GPC5: variants seen among roughly 807,000 people sequenced by gnomAD.
GPC5 encodes glypican-5.
A neutral mutation model predicts 53.9 loss-of-function variants in GPC5; 47 were observed. The observed-to-expected ratio is 0.87, with a 90% CI of 0.69 to 1.11. The LOEUF is 1.11. Ranked by LOEUF, GPC5 falls within the 50% of genes most tolerant of loss-of-function variation. The pLI is 0.00. For synonymous variants in GPC5, 286 were observed against 263.3 expected, an observed-to-expected ratio of 1.09 and a Z score of -0.84; for missense variants, 748 against 713.1, an observed-to-expected ratio of 1.05 and a Z score of -0.56.
At chr13:92,376,950 G>T (rs1594145314) in intron 7 of GPC5, among the ~76,000 whole-genome samples, 1 of 152,032 alleles carries the variant, frequency 6.6e-6, no homozygotes, top group South Asian at 2.1e-4. Context: ...CAGGAGCGGA[G>T]GTTGCAGTGA....
At chr13:92,273,430 A>G (rs2042853662) in intron 7 of GPC5, among the ~76,000 whole-genome samples, 1 of 152,120 alleles carries the variant, frequency 6.6e-6, no homozygotes, top group Non-Finnish European at 1.5e-5. Context: ...GATAATAATA[A>G]TATCTTTTAA....
chr13:91,949,616 T>C (rs1245817136), intron 6 of GPC5, among the ~76,000 whole-genome samples: 5 of 152,296 alleles, frequency 3.3e-5, no homozygotes, highest in East Asian at 3.9e-4. Flanking sequence ...TGATGGTCTA[T>C]AGCCAAAGAA....
chr13:92,450,906 A>T (rs993158912), intron 7 of GPC5, among the ~76,000 whole-genome samples: 1 of 152,162 alleles, frequency 6.6e-6, no homozygotes, highest in African/African-American at 2.4e-5. Context: ...TGAGTTATTG[A>T]GGGAAAACTA....
chr13:92,683,609 T>C (rs1251168969), intron 7 of GPC5, among the ~76,000 whole-genome samples: 1 of 152,232 alleles, frequency 6.6e-6, no homozygotes, highest in African/African-American at 2.4e-5. Context: ...AATTTACTTT[T>C]TCTATTAATT....
intron 7 of GPC5, among the ~76,000 whole-genome samples, chr13:92,426,706 C>T (rs921835503): frequency 4.6e-5 from 7 of 151,732 alleles, no homozygotes; most frequent in African/African-American, 1.7e-4. Context: ...GCTTTGATTA[C>T]ATATAATTTT....
rs1555301807 is a variant in GPC5, at chr13:91,977,955, A to AGAAAG, written c.1401+69898_1401+69899insGAAAG. Among the ~76,000 whole-genome samples the AGAAAG allele has an allele frequency of 8.9e-4, 127 of 142,980 alleles. 1 individual carries two copies. Among genetic ancestry groups the AGAAAG allele is most frequent in the African/African-American group, 3.6e-3 (123 of 34,624 alleles). The allele number at this position is 142,980 out of a possible 152,430, so 93.8% of individuals were successfully genotyped here. ...AACGAGACCGCCATCTCTAAAAGAA[A>AGAAAG]AAAGAAAGAAAGAAAGAAAGAAAGA... On this transcript the variant is annotated intron_variant, in intron 6 of 7. Coordinates refer to ENST00000377067, the MANE Select transcript of GPC5 (RefSeq NM_004466.6).
chr13:91,575,659 T>C (rs1189380179), intron 2 of GPC5, among the ~76,000 whole-genome samples: 1 of 152,128 alleles, frequency 6.6e-6, no homozygotes, highest in East Asian at 1.9e-4. Flanking sequence ...TGTTCCTCTG[T>C]GTATGTTAAT....
Position 92,500,930 on chromosome 13 carries a change from G to A in GPC5, c.1561+355941G>A, listed in dbSNP as rs1029801026. On this transcript the variant is annotated intron_variant, in intron 7 of 7. Coordinates refer to ENST00000377067, the MANE Select transcript of GPC5 (RefSeq NM_004466.6). ...TCAGGGGAGATTACAGAGAGGGAGA[G>A]CTAAGGAAACCTAGTCAAATCTAGT... is the stretch of plus-strand genomic sequence containing the variant. 2.6e-5 allele frequency among the ~76,000 whole-genome samples: 4 copies of A among 152,250 alleles called. No individual in the cohort carries two copies. In the East Asian group the frequency reaches 7.7e-4, roughly 29 times the overall value.
chr13:92,587,227 A>G (rs1316861946), intron 7 of GPC5, among the ~76,000 whole-genome samples: 1 of 152,190 alleles, frequency 6.6e-6, no homozygotes, highest in Non-Finnish European at 1.5e-5. Context: ...GGCATTCTAT[A>G]TAAAGAACTA....
At chr13:91,978,327 C>A (rs763403372) in intron 6 of GPC5, among the ~76,000 whole-genome samples, 1 of 152,204 alleles carries the variant, frequency 6.6e-6, no homozygotes, top group African/African-American at 2.4e-5. Flanking sequence ...TTTATTTACT[C>A]ATTGTAGCAA....
chr13:91,529,712 T>C (rs1289318482), intron 2 of GPC5, among the ~76,000 whole-genome samples: 1 of 152,246 alleles, frequency 6.6e-6, no homozygotes, highest in Non-Finnish European at 1.5e-5. Flanking sequence ...GTATTCTTTA[T>C]TCTGCTTTTC....
intron 6 of GPC5, among the ~76,000 whole-genome samples, chr13:91,934,606 G>T (rs962830840): frequency 4.6e-5 from 7 of 151,938 alleles, no homozygotes; most frequent in African/African-American, 1.4e-4. Context: ...AGCAGCTGAA[G>T]AATTTACACT....
At chr13:92,469,550 G>A (rs1413542029) in intron 7 of GPC5, among the ~76,000 whole-genome samples, 3 of 152,000 alleles carry the variant, frequency 2.0e-5, no homozygotes, top group Non-Finnish European at 4.4e-5. Flanking sequence ...ACTTTATGGG[G>A]CTCTACTTGA....
At chr13:91,753,300 A>G (rs184455843) in intron 4 of GPC5, among the ~76,000 whole-genome samples, 1 of 152,328 alleles carries the variant, frequency 6.6e-6, no homozygotes, top group East Asian at 1.9e-4. Context: ...AGTGTAGGAC[A>G]CTGAGAAGGT....
chr13:92,476,375 A>G (rs1444666611), intron 7 of GPC5, among the ~76,000 whole-genome samples: 1 of 151,538 alleles, frequency 6.6e-6, no homozygotes, highest in Non-Finnish European at 1.5e-5. Context: ...AATGGCAATC[A>G]TTAAAAAGTC....
chr13:92,084,990 T>G (rs2041325020), intron 6 of GPC5, among the ~76,000 whole-genome samples: 4 of 152,230 alleles, frequency 2.6e-5, no homozygotes, highest in Admixed American at 2.6e-4. Flanking sequence ...CTCTACTTCA[T>G]AGATGGCGAC....
At position 92,625,683 on chromosome 13, in the gene GPC5, A is replaced by G. The variant is rs546326034; in HGVS notation, c.1562-240599A>G. On this transcript the variant is annotated intron_variant, in intron 7 of 7. Coordinates refer to ENST00000377067, the MANE Select transcript of GPC5 (RefSeq NM_004466.6). ...CATAATTCAGCTGCTCCCAGCTTTA[A>G]GAAGAAAAACTCTACTTCCTTCAGC... Among the ~76,000 whole-genome samples the G allele has an allele frequency of 5.9e-5, 9 of 152,338 alleles. 1 individual carries two copies. Among genetic ancestry groups the G allele is most frequent in the African/African-American group, 2.2e-4 (9 of 41,586 alleles).
intron 7 of GPC5, among the ~76,000 whole-genome samples, chr13:92,767,296 C>A (rs545213239): frequency 2.3e-4 from 35 of 152,172 alleles, no homozygotes; most frequent in African/African-American, 8.4e-4. Flanking sequence ...CATGGTGAAA[C>A]CCCGTCTCTG....
intron 2 of GPC5, among the ~76,000 whole-genome samples, chr13:91,450,574 G>A (rs886727650): frequency 6.6e-6 from 1 of 152,250 alleles, no homozygotes; most frequent in Admixed American, 6.5e-5. Context: ...AAAAGTTTTG[G>A]TGATACTGCT....
Sources: gnomAD v4.1 joint callset for allele counts (sites outside exome capture counted in the v4.1 genomes callset) on GRCh38, gnomAD v4.1.1 for gene constraint, MANE v1.5 for transcripts, NCBI Gene and HGNC (gene_info 2026-07-23, HGNC 2026-07-21) for gene names.